LURAP1L: variants seen among roughly 807,000 people sequenced by gnomAD.
LURAP1L encodes the protein leucine rich adaptor protein 1 like, also known as leucine rich adaptor protein 1-like.
A neutral mutation model predicts 13.8 loss-of-function variants in LURAP1L; 12 were observed. That is an observed-to-expected ratio of 0.87 (90% CI 0.56 to 1.41). The LOEUF (loss-of-function observed/expected upper bound fraction) is 1.41, where lower values mean the gene tolerates loss of function less well. Among genes scored for constraint, LURAP1L ranks in the 40% most tolerant of loss-of-function variants. The pLI, the probability that LURAP1L is intolerant of heterozygous loss-of-function variation, is 0.00. For missense variants in LURAP1L, 375 were observed against 292.9 expected (o/e 1.28, Z -2.04); for synonymous variants, 139 against 119.2 (o/e 1.17, Z -1.08).
At chr9:12,792,555 A>G (rs1315938799) in intron 1 of LURAP1L, among the ~76,000 whole-genome samples, 3 of 152,098 alleles carry the variant, frequency 2.0e-5, no homozygotes, top group African/African-American at 7.2e-5. Context: ...TTTGTCCAAT[A>G]AATGTGTCTA....
chr9:12,821,722 C>G lies in LURAP1L; in HGVS notation c.649C>G (p.Arg217Gly), dbSNP rs139119328. 6.2e-7 allele frequency: 1 copy of G among 1,613,942 alleles called. No individual in the cohort carries two copies. Among genetic ancestry groups the G allele is most frequent in the African/African-American group, 1.3e-5 (1 of 74,916 alleles). Reference protein sequence around the residue: ...LIEDSQALHKRPKLDSEYYCF... With the variant: ...LIEDSQALHKGPKLDSEYYCF... Reference sequence around the variant, plus strand: ...AGAGGACTCACAGGCACTACACAAGCGTCCTAAATTGGATTCTGAATACTA... The same window carrying G: ...AGAGGACTCACAGGCACTACACAAGGGTCCTAAATTGGATTCTGAATACTA... Residue 217 changes from arginine to glycine, a missense_variant, in exon 2 of 2, where the codon CGT (arginine) becomes GGT (glycine). Physicochemically the swap from Arg to Gly is moderately radical, Grantham distance 125. Coordinates refer to ENST00000319264, the MANE Select transcript of LURAP1L (RefSeq NM_203403.2).
At chr9:12,808,088 G>A (rs946179239) in intron 1 of LURAP1L, among the ~76,000 whole-genome samples, 1 of 151,752 alleles carries the variant, frequency 6.6e-6, no homozygotes, top group Non-Finnish European at 1.5e-5. Context: ...TTGTTATTTT[G>A]AACAAACTGT....
chr9:12,819,609 A>G (rs1357329636), intron 1 of LURAP1L, among the ~76,000 whole-genome samples: 2 of 152,184 alleles, frequency 1.3e-5, no homozygotes, highest in African/African-American at 4.8e-5. Context: ...AATTAGCATG[A>G]CCCAGACTTT....
At position 12,821,860 on chromosome 9, in the gene LURAP1L, C is replaced by G. The variant is rs1445251523; in HGVS notation, c.*100C>G. 1.4e-6 allele frequency: 2 copies of G among 1,416,338 alleles called. No individual in the cohort carries two copies. The highest frequency in any genetic ancestry group is 1.9e-6 in the Non-Finnish European group (2 of 1,056,262). The allele number at this position is 1,416,338 out of a possible 1,614,324, so 87.7% of individuals were successfully genotyped here. A position where few individuals can be genotyped will look rare whatever the true frequency, so the allele number is the denominator to read the frequency against. ...GTGATTTTTATTTTAATAAGATGAC[C>G]TTTTTAAAAGAAGCTGATTTTGAAA... On this transcript the variant is annotated 3_prime_UTR_variant, in exon 2 of 2. Transcript: ENST00000319264.
chr9:12,798,310 C>G (rs1429764219), intron 1 of LURAP1L, among the ~76,000 whole-genome samples: 2 of 152,180 alleles, frequency 1.3e-5, no homozygotes, highest in African/African-American at 4.8e-5. Context: ...GAGTACTGTA[C>G]AATCCTACCT....
intron 1 of LURAP1L, among the ~76,000 whole-genome samples, chr9:12,816,762 T>A (rs991636615): frequency 6.6e-6 from 1 of 152,104 alleles, no homozygotes; most frequent in African/African-American, 2.4e-5. Flanking sequence ...GACATCATAA[T>A]CCTGAAGCCT....
chr9:12,804,049 G>C (rs1488603516), intron 1 of LURAP1L, among the ~76,000 whole-genome samples: 1 of 152,084 alleles, frequency 6.6e-6, no homozygotes, highest in Non-Finnish European at 1.5e-5. Context: ...AAAAGACAAA[G>C]TTTATTTAAT....
At chr9:12,778,683 A>G (rs1179411777) in intron 1 of LURAP1L, among the ~76,000 whole-genome samples, 1 of 152,172 alleles carries the variant, frequency 6.6e-6, no homozygotes, top group African/African-American at 2.4e-5. Flanking sequence ...AACGCACAAA[A>G]TATGTGTAGG....
intron 1 of LURAP1L, among the ~76,000 whole-genome samples, chr9:12,812,190 A>T (rs1435004882): frequency 6.6e-6 from 1 of 152,202 alleles, no homozygotes; most frequent in African/African-American, 2.4e-5. Flanking sequence ...CCCATCCGAT[A>T]CCAGGATAGG....
At position 12,775,557 on chromosome 9, in the gene LURAP1L, T is replaced by C. The variant is rs1234158764; in HGVS notation, c.-159T>C. The C allele has an allele frequency of 8.1e-7, 1 of 1,228,976 alleles. No individual in the cohort carries two copies. Among genetic ancestry groups the C allele is most frequent in the Non-Finnish European group, 1.1e-6 (1 of 927,148 alleles). The allele number at this position is 1,228,976 out of a possible 1,614,324, so 76.1% of individuals were successfully genotyped here. On this transcript the variant is annotated 5_prime_UTR_variant, in exon 1 of 2. Transcript: ENST00000319264. ...CGTCCTGTGCGGATTTCAGGGCTGATACCGCATAGGCGGTTATGGAAAGGA... is the reference window on the plus strand; with the variant it reads ...CGTCCTGTGCGGATTTCAGGGCTGACACCGCATAGGCGGTTATGGAAAGGA...
chr9:12,820,644 TA>T (rs1819864174), intron 1 of LURAP1L, among the ~76,000 whole-genome samples: 1 of 151,838 alleles, frequency 6.6e-6, no homozygotes, highest in Non-Finnish European at 1.5e-5. Context: ...TATACAGAAA[TA>T]TTTGTACACT....
intron 1 of LURAP1L, among the ~76,000 whole-genome samples, chr9:12,795,984 T>A (rs1430792857): frequency 1.3e-5 from 2 of 152,210 alleles, no homozygotes. Flanking sequence ...TAAATATTTT[T>A]AAAAGTTTGT....
intron 1 of LURAP1L, among the ~76,000 whole-genome samples, chr9:12,813,234 A>C (rs1819761873): frequency 6.6e-6 from 1 of 152,168 alleles, no homozygotes; most frequent in African/African-American, 2.4e-5. Flanking sequence ...AGACATTATT[A>C]AAATTTAAAG....
At chr9:12,807,020 CAAAAAAAAAA>C (rs71329888) in intron 1 of LURAP1L, among the ~76,000 whole-genome samples, 1 of 21,886 alleles carries the variant, frequency 4.6e-5, no homozygotes, top group African/African-American at 1.7e-4. Context: ...GACTCCGTCT[CAAAAAAAAAA>C]AAAAAAAAAA....
Position 12,775,699 on chromosome 9 carries a change from G to T in LURAP1L, c.-17G>T, listed in dbSNP as rs115669648. The T allele has an allele frequency of 7.4e-5, 114 of 1,550,864 alleles. No individual in the cohort carries two copies. The highest frequency in any genetic ancestry group is 9.1e-5 in the Non-Finnish European group (105 of 1,155,022). On this transcript the variant is annotated 5_prime_UTR_variant, in exon 1 of 2. Transcript: ENST00000319264. The stretch of plus-strand genomic sequence containing the variant: ...TCTGCTGCGTTTTATTACTATTATC[G>T]CCGTTCCGGAAAAGTCATGGAAGAC...
chr9:12,807,339 A>C (rs536930713), intron 1 of LURAP1L, among the ~76,000 whole-genome samples: 2 of 152,110 alleles, frequency 1.3e-5, no homozygotes, highest in African/African-American at 4.8e-5. Context: ...GGCCAGGGTA[A>C]TCTGATGTAT....
intron 1 of LURAP1L, among the ~76,000 whole-genome samples, chr9:12,797,210 G>C (rs915251416): frequency 2.0e-5 from 3 of 151,772 alleles, no homozygotes; most frequent in African/African-American, 7.3e-5. Context: ...TTTACTTATG[G>C]AAACTATACT....
At position 12,775,683 on chromosome 9, in the gene LURAP1L, T is replaced by C; in HGVS notation, c.-33T>C. On this transcript the variant is annotated 5_prime_UTR_variant, in exon 1 of 2. Transcript: ENST00000319264. ...CCGTGGCTGCCTTTCATCTGCTGCG[T>C]TTTATTACTATTATCGCCGTTCCGG... 2.0e-6 allele frequency: 3 copies of C among 1,534,516 alleles called. No homozygotes were observed. The highest frequency in any genetic ancestry group is 2.6e-6 in the Non-Finnish European group (3 of 1,145,290).
intron 1 of LURAP1L, among the ~76,000 whole-genome samples, chr9:12,786,732 C>T: frequency 6.6e-6 from 1 of 151,178 alleles, no homozygotes; most frequent in East Asian, 2.0e-4. Context: ...TTTGATTCCT[C>T]AACTGAAGAC....
Sources: gnomAD v4.1 joint callset for allele counts (sites outside exome capture counted in the v4.1 genomes callset) on GRCh38, gnomAD v4.1.1 for gene constraint, MANE v1.5 for transcripts, NCBI Gene and HGNC (gene_info 2026-07-23, HGNC 2026-07-21) for gene names.